The following DENND1A variants were observed in gnomAD, a reference collection of about 807,000 sequenced individuals.
DENND1A encodes DENN domain containing 1A.
In DENND1A, 51 loss-of-function variants were observed where a neutral mutation model predicts 113.7. The ratio of observed to expected loss-of-function variants is 0.45; its 90% CI spans 0.36 to 0.57. The LOEUF (loss-of-function observed/expected upper bound fraction) is 0.57, where lower values mean the gene tolerates loss of function less well. Among genes scored for constraint, DENND1A ranks in the 20% least tolerant of loss-of-function variants. The probability of loss-of-function intolerance (pLI) is 0.00; values close to 1 mark genes in which losing one functional copy is unlikely to be tolerated. For missense variants in DENND1A, 1,258 were observed against 1,395.9 expected (o/e 0.90, Z 1.57); for synonymous variants, 565 against 570.8 (o/e 0.99, Z 0.14).
At chr9:123,448,944 C>A (rs115309245) in intron 18 of DENND1A, among the ~76,000 whole-genome samples, 20 of 152,286 alleles carry the variant, frequency 1.3e-4, no homozygotes, top group Admixed American at 4.6e-4. Context: ...TAGAGTGGTA[C>A]GTTTGGGGGC....
At chr9:123,900,200 TTAAA>T (rs1296859619) in intron 1 of DENND1A, among the ~76,000 whole-genome samples, 7 of 152,100 alleles carry the variant, frequency 4.6e-5, no homozygotes, top group African/African-American at 1.7e-4. Context: ...ATCCTGGGAG[TTAAA>T]CATATAAATA....
At chr9:123,547,017 G>T (rs1349229001) in intron 13 of DENND1A, among the ~76,000 whole-genome samples, 2 of 152,198 alleles carry the variant, frequency 1.3e-5, no homozygotes, top group East Asian at 3.8e-4. Context: ...TACTTGGGCA[G>T]TCTACTTCTA....
intron 3 of DENND1A, among the ~76,000 whole-genome samples, chr9:123,787,887 T>C (rs1333287913): frequency 6.6e-6 from 1 of 152,184 alleles, no homozygotes; most frequent in Middle Eastern, 3.2e-3. Context: ...AAAATTGTTA[T>C]AGTTTCTATA....
chr9:123,868,505 C>A (rs1002029362), intron 2 of DENND1A, among the ~76,000 whole-genome samples: 1 of 152,198 alleles, frequency 6.6e-6, no homozygotes, highest in African/African-American at 2.4e-5. Flanking sequence ...AAAACAGGTA[C>A]TATTAGTGCC....
chr9:123,711,523 A>G (rs1375771459), intron 5 of DENND1A, among the ~76,000 whole-genome samples: 2 of 143,466 alleles, frequency 1.4e-5, no homozygotes, highest in African/African-American at 2.6e-5. Context: ...GTATATATAT[A>G]TATATATATA....
rs763730891 is a variant in DENND1A at position 123,381,412 on chromosome 9, C to A, written c.*20G>T. On this transcript the variant is annotated 3_prime_UTR_variant, in exon 24 of 24. Transcript: ENST00000394215. The surrounding 1 kb of genome is among the most constrained non-coding windows in gnomAD (Gnocchi z 4.7). Reference sequence around the variant, plus strand: ...ACGGACCCTCGGGCCTCGGTGCATCCCCCACCCTCAGGGCCCGGCTCACTC... The same window carrying A: ...ACGGACCCTCGGGCCTCGGTGCATCACCCACCCTCAGGGCCCGGCTCACTC... 6.2e-7 allele frequency: 1 copy of A among 1,610,264 alleles called. No individual in the cohort carries two copies. The highest frequency in any genetic ancestry group is 2.2e-5 in the East Asian group (1 of 44,860).
At chr9:123,498,937 G>A (rs1195827646) in intron 13 of DENND1A, among the ~76,000 whole-genome samples, 1 of 151,838 alleles carries the variant, frequency 6.6e-6, no homozygotes, top group African/African-American at 2.4e-5. Flanking sequence ...TGGCCAGGCT[G>A]GTCTTGAACT....
chr9:123,607,543 A>AGTGTGTGT (rs1270262038), intron 11 of DENND1A, among the ~76,000 whole-genome samples: 63 of 123,508 alleles, frequency 5.1e-4, no homozygotes, highest in African/African-American at 1.9e-3. Flanking sequence ...AGAGAGAGAG[A>AGTGTGTGT]GAGAGTGTGT....
At chr9:123,919,608 A>C (rs1239757814) in intron 1 of DENND1A, among the ~76,000 whole-genome samples, 1 of 151,494 alleles carries the variant, frequency 6.6e-6, no homozygotes, top group Non-Finnish European at 1.5e-5. Context: ...GCGGCCTGGA[A>C]TGGTGGCTCA....
rs367751848 is a variant in DENND1A at position 123,395,468 on chromosome 9, C to CTCTGTGTGTGTGTGTGTGTGTGTG, written c.1632-7611_1632-7610insCACACACACACACACACACACAGA. Among the ~76,000 whole-genome samples the CTCTGTGTGTGTGTGTGTGTGTGTG allele has an allele frequency of 2.0e-3, 285 of 142,972 alleles. 1 individual carries two copies. The highest frequency in any genetic ancestry group is 5.9e-3 in the African/African-American group (217 of 36,812). The allele number at this position is 142,972 out of a possible 152,430, so 93.8% of individuals were successfully genotyped here. On this transcript the variant is annotated intron_variant, in intron 21 of 23. Coordinates refer to ENST00000394215, the MANE Select transcript of DENND1A (RefSeq NM_001352964.2). ...AGGGCCCAGAATCTACTCTCTCTCT[C>CTCTGTGTGTGTGTGTGTGTGTGTG]TGTGTGTGTGTGTGTGTGTGTGTGT...
At chr9:123,687,922 G>A (rs1325201578) in intron 5 of DENND1A, among the ~76,000 whole-genome samples, 1 of 152,230 alleles carries the variant, frequency 6.6e-6, no homozygotes, top group African/African-American at 2.4e-5. Context: ...TGGAAGCCCA[G>A]CAATCCTGAA....
intron 6 of DENND1A, among the ~76,000 whole-genome samples, chr9:123,671,845 G>C (rs1317738790): frequency 6.6e-6 from 1 of 152,166 alleles, no homozygotes; most frequent in Admixed American, 6.5e-5. Context: ...AATGAACTAA[G>C]TACAACAGCA....
intron 1 of DENND1A, among the ~76,000 whole-genome samples, chr9:123,926,291 G>A (rs1039564548): frequency 6.6e-6 from 1 of 152,102 alleles, no homozygotes. Flanking sequence ...GGCTGGGCAC[G>A]GTGGCTCACA....
intron 4 of DENND1A, among the ~76,000 whole-genome samples, chr9:123,765,644 C>T (rs1828674781): frequency 6.6e-6 from 1 of 152,176 alleles, no homozygotes; most frequent in East Asian, 1.9e-4. Context: ...ATAGCTTTTC[C>T]ATCATCCAAT....
intron 12 of DENND1A, among the ~76,000 whole-genome samples, chr9:123,567,086 T>G (rs953339234): frequency 6.6e-6 from 1 of 152,220 alleles, no homozygotes; most frequent in Admixed American, 6.5e-5. Context: ...TGTGCATGCA[T>G]GTATGCATAC....
At chr9:123,418,888 T>C (rs962108611) in intron 19 of DENND1A, among the ~76,000 whole-genome samples, 1 of 152,224 alleles carries the variant, frequency 6.6e-6, no homozygotes, top group African/African-American at 2.4e-5. Context: ...AGGGGTGCTA[T>C]GATGTTTGTG....
At chr9:123,722,680 G>A (rs1483240790) in intron 5 of DENND1A, among the ~76,000 whole-genome samples, 1 of 152,194 alleles carries the variant, frequency 6.6e-6, no homozygotes, top group Non-Finnish European at 1.5e-5. Flanking sequence ...CCCAAGCCTT[G>A]GCAGCTTCCA....
At chr9:123,886,024 C>T (rs954147344) in intron 1 of DENND1A, among the ~76,000 whole-genome samples, 2 of 152,170 alleles carry the variant, frequency 1.3e-5, no homozygotes, top group Non-Finnish European at 2.9e-5. Context: ...CTTATCTGCC[C>T]GTCTCAGCCT....
At chr9:123,704,893 C>A (rs2066095516) in intron 5 of DENND1A, among the ~76,000 whole-genome samples, 1 of 151,610 alleles carries the variant, frequency 6.6e-6, no homozygotes, top group Non-Finnish European at 1.5e-5. Context: ...TCTAAATAGA[C>A]AAGAAGAAGA....
Sources: gnomAD v4.1 joint callset for allele counts (sites outside exome capture counted in the v4.1 genomes callset) on GRCh38, gnomAD v4.1.1 for gene constraint, Gnocchi (gnomAD v3.1) non-coding constraint, MANE v1.5 for transcripts, NCBI Gene and HGNC (gene_info 2026-07-23, HGNC 2026-07-21) for gene names.